The following TBC1D5 variants were observed in gnomAD, a reference collection of about 807,000 sequenced individuals.
The protein encoded by TBC1D5 is TBC1 domain family, member 5.
TBC1D5 carries 75 observed loss-of-function variants against 100.3 expected under a neutral mutation model. That is an observed-to-expected ratio of 0.75 (90% confidence interval 0.62 to 0.91). TBC1D5 has a LOEUF of 0.91. Ranked by LOEUF, TBC1D5 falls within the 40% of genes least tolerant of loss-of-function variation. The pLI is 0.00. For missense variants in TBC1D5, 910 were observed against 942.4 expected, an observed-to-expected ratio of 0.97 and a Z score of 0.45; for synonymous variants, 323 against 325.6, an observed-to-expected ratio of 0.99 and a Z score of 0.09.
chr3:17,245,022 CAAAAAAAAAAAA>C (rs34531807), intron 16 of TBC1D5, among the ~76,000 whole-genome samples: 65 of 35,360 alleles, frequency 1.8e-3, no homozygotes, highest in African/African-American at 6.6e-3. Flanking sequence ...CCTGTCTCTA[CAAAAAAAAAAAA>C]AAAAAAAAAA....
intron 16 of TBC1D5, among the ~76,000 whole-genome samples, chr3:17,256,203 T>A (rs994821363): frequency 6.6e-6 from 1 of 152,070 alleles, no homozygotes; most frequent in African/African-American, 2.4e-5. Flanking sequence ...TTTCAAAGAT[T>A]TGCCAATTTT....
chr3:17,661,049 T>C (rs1485990162), intron 1 of TBC1D5, among the ~76,000 whole-genome samples: 2 of 152,244 alleles, frequency 1.3e-5, no homozygotes, highest in African/African-American at 2.4e-5. Flanking sequence ...TAAGCTAGTT[T>C]AATCTGATTG....
At chr3:17,598,614 C>G (rs1211151987) in intron 2 of TBC1D5, among the ~76,000 whole-genome samples, 1 of 152,140 alleles carries the variant, frequency 6.6e-6, no homozygotes, top group Non-Finnish European at 1.5e-5. Context: ...AAAAGAAAAA[C>G]TCAAACCAAA....
chr3:17,256,172 T>A (rs1459425401), intron 16 of TBC1D5, among the ~76,000 whole-genome samples: 1 of 152,056 alleles, frequency 6.6e-6, no homozygotes, highest in Non-Finnish European at 1.5e-5. Context: ...TGGAATTTAC[T>A]TTTGTGTGTG....
At chr3:17,464,288 G>A (rs1257471388) in intron 3 of TBC1D5, among the ~76,000 whole-genome samples, 4 of 152,016 alleles carry the variant, frequency 2.6e-5, no homozygotes, top group Non-Finnish European at 5.9e-5. Flanking sequence ...GATAAGAGTT[G>A]CTGGTTTTCA....
At chr3:17,601,818 T>C (rs748632402) in intron 2 of TBC1D5, among the ~76,000 whole-genome samples, 2 of 152,154 alleles carry the variant, frequency 1.3e-5, no homozygotes, top group Non-Finnish European at 2.9e-5. Context: ...ACACAGTTAA[T>C]AAGTGGGTTT....
intron 4 of TBC1D5, among the ~76,000 whole-genome samples, chr3:17,412,204 A>T (rs887919854): frequency 3.3e-4 from 50 of 152,070 alleles, no homozygotes; most frequent in African/African-American, 1.2e-3. Context: ...TAGGATATAA[A>T]ATAACAGTAG....
intron 6 of TBC1D5, 48 bp from the exon 7 acceptor site, chr3:17,404,816 A>C: frequency 6.3e-7 from 1 of 1,579,916 alleles, no homozygotes; most frequent in Non-Finnish European, 8.6e-7. Flanking sequence ...AGGCTACTGG[A>C]CTTTAAAGTG....
chr3:17,372,615 A>G (rs9820703), intron 12 of TBC1D5, among the ~76,000 whole-genome samples: 77,196 of 151,978 alleles, frequency 0.51, 21,331 homozygotes, highest in African/African-American at 0.7. Context: ...GATAACCCTC[A>G]CAGTTTAGTC....
At chr3:17,586,260 T>C (rs377374181) in intron 2 of TBC1D5, 1 of 152,172 alleles carries the variant, frequency 6.6e-6, no homozygotes, top group East Asian at 1.9e-4. Context: ...CATACCTTTT[T>C]TTTGTACAAA....
At chr3:17,648,774 T>C (rs2065253562) in intron 1 of TBC1D5, among the ~76,000 whole-genome samples, 1 of 152,004 alleles carries the variant, frequency 6.6e-6, no homozygotes, top group Non-Finnish European at 1.5e-5. Context: ...AAAACCACAA[T>C]GAGACACCAC....
intron 16 of TBC1D5, 46 bp downstream of exon 16, chr3:17,258,460 G>T: frequency 6.4e-7 from 1 of 1,557,380 alleles, no homozygotes; most frequent in Non-Finnish European, 8.8e-7. Context: ...TGATCTCTGA[G>T]ACTACCTTTG....
At chr3:17,536,787 C>T (rs2096286023) in intron 2 of TBC1D5, among the ~76,000 whole-genome samples, 1 of 152,154 alleles carries the variant, frequency 6.6e-6, no homozygotes, top group Admixed American at 6.5e-5. Context: ...CTTTAAGTTA[C>T]AGAATGGTTT....
At chr3:17,591,233 CAAAAAAAAAA>C (rs60889092) in intron 2 of TBC1D5, among the ~76,000 whole-genome samples, 246 of 18,648 alleles carry the variant, frequency 0.013, 2 homozygotes, top group East Asian at 0.058. Context: ...AAGGATCTGT[CAAAAAAAAAA>C]AAAAAAAAAA....
At chr3:17,394,103 C>G (rs1212762704) in intron 8 of TBC1D5, among the ~76,000 whole-genome samples, 1 of 152,056 alleles carries the variant, frequency 6.6e-6, no homozygotes, top group Non-Finnish European at 1.5e-5. Flanking sequence ...AACAACCTCT[C>G]AAAACAAAGA....
intron 16 of TBC1D5, among the ~76,000 whole-genome samples, chr3:17,245,101 G>GA (rs2076629232): frequency 6.6e-6 from 1 of 151,984 alleles, no homozygotes; most frequent in Admixed American, 6.6e-5. Flanking sequence ...GCTAAGGTGG[G>GA]AGAACTGCTT....
intron 4 of TBC1D5, among the ~76,000 whole-genome samples, chr3:17,424,610 A>T (rs1257438258): frequency 6.6e-6 from 1 of 152,238 alleles, no homozygotes; most frequent in African/African-American, 2.4e-5. Flanking sequence ...AAATTAGTTC[A>T]GAGATATACA....
upstream of TBC1D5, chr3:17,742,615 G>GGGCGGGAGGGGGTGGC (rs2077574311): frequency 3.3e-5 from 5 of 152,122 alleles, no homozygotes; most frequent in South Asian, 1.0e-3. Context: ...AAAGAGAACA[G>GGGCGGGAGGGGGTGGC]GGCGGGAGGG....
At chr3:17,213,369 A>T (rs891625253) in intron 18 of TBC1D5, among the ~76,000 whole-genome samples, 1 of 152,212 alleles carries the variant, frequency 6.6e-6, no homozygotes. Flanking sequence ...GGCTGTTATA[A>T]AATGTGGTTA....
Sources: gnomAD v4.1 joint callset for allele counts (sites outside exome capture counted in the v4.1 genomes callset) on GRCh38, gnomAD v4.1.1 for gene constraint, MANE v1.5 for transcripts, NCBI Gene and HGNC (gene_info 2026-07-23, HGNC 2026-07-21) for gene names.